The following USP18 variants were observed in gnomAD, a reference collection of about 807,000 sequenced individuals.
USP18 encodes ubl carboxyl-terminal hydrolase 18.
A neutral mutation model predicts 48.7 loss-of-function variants in USP18; 11 were observed. The observed-to-expected ratio is 0.23, with a 90% CI of 0.14 to 0.37. The LOEUF is 0.37. Ranked by LOEUF, USP18 falls within the 10% of genes least tolerant of loss-of-function variation. The probability of loss-of-function intolerance (pLI) is 1.00; values close to 1 mark genes in which losing one functional copy is unlikely to be tolerated. For missense variants in USP18, 285 were observed against 436.4 expected, an observed-to-expected ratio of 0.65 and a Z score of 3.09; for synonymous variants, 114 against 163.2, an observed-to-expected ratio of 0.70 and a Z score of 2.30.
intron 1 of USP18, among the ~76,000 whole-genome samples, chr22:18,155,785 C>T (rs1043439303): frequency 6.6e-6 from 1 of 152,252 alleles, no homozygotes; most frequent in African/African-American, 2.4e-5. Context: ...GCCATGGGCT[C>T]CTGTGCGGAC....
At chr22:18,174,561 C>T (rs188284513) in intron 10 of USP18, among the ~76,000 whole-genome samples, 1 of 151,996 alleles carries the variant, frequency 6.6e-6, no homozygotes, top group African/African-American at 2.4e-5. Flanking sequence ...TTTGAGCATA[C>T]CTCTTTTACA....
At chr22:18,152,376 G>A (rs1252820451) in intron 1 of USP18, among the ~76,000 whole-genome samples, 1 of 151,878 alleles carries the variant, frequency 6.6e-6, no homozygotes, top group Non-Finnish European at 1.5e-5. Flanking sequence ...TTTAGTGGTG[G>A]GCCTGGGCCA....
At chr22:18,155,721 C>A (rs1929113886) in intron 1 of USP18, among the ~76,000 whole-genome samples, 1 of 152,236 alleles carries the variant, frequency 6.6e-6, no homozygotes, top group African/African-American at 2.4e-5. Context: ...TGCCTCCTGG[C>A]AGGGCAGGGC....
chr22:18,153,294 T>C (rs563998278), intron 1 of USP18, among the ~76,000 whole-genome samples: 11 of 152,198 alleles, frequency 7.2e-5, no homozygotes, highest in African/African-American at 2.6e-4. Flanking sequence ...CCATGCGTGG[T>C]GGCACATGCC....
chr22:18,172,428 A>C (rs1204195801), intron 8 of USP18, among the ~76,000 whole-genome samples: 2 of 152,128 alleles, frequency 1.3e-5, no homozygotes, highest in African/African-American at 2.4e-5. Flanking sequence ...ACTGTTGTGT[A>C]ATCTATGTGG....
At chr22:18,155,449 C>T (rs986873455) in intron 1 of USP18, among the ~76,000 whole-genome samples, 38 of 152,352 alleles carry the variant, frequency 2.5e-4, no homozygotes, top group Admixed American at 1.9e-3. Flanking sequence ...TTCAGCCCAC[C>T]GCTGCACTGT....
intron 3 of USP18, 54 bp downstream of exon 3, chr22:18,160,322 T>C: frequency 6.2e-7 from 1 of 1,603,818 alleles, no homozygotes; most frequent in East Asian, 2.2e-5. Context: ...TTTCCTTTTT[T>C]TGAGATGGAG....
At chr22:18,151,998 G>A (rs961036937) in intron 1 of USP18, among the ~76,000 whole-genome samples, 1 of 152,174 alleles carries the variant, frequency 6.6e-6, no homozygotes, top group Non-Finnish European at 1.5e-5. Flanking sequence ...AGCTTGCAGT[G>A]AGCCAAGATC....
chr22:18,173,955 G>C (rs961547675), intron 10 of USP18, 113 bp downstream of exon 10: 2 of 1,492,060 alleles, frequency 1.3e-6, no homozygotes, highest in African/African-American at 2.8e-5. Context: ...CTCACTGTCC[G>C]CCTCATCTCC....
chr22:18,161,950 C>A lies in USP18; in HGVS notation c.400+15C>A. Reference sequence around the variant, plus strand: ...CAACGTGCCCTGTAAGATACCCTCCCACTGGGCTCCTGGCTGCTGATCCAA... The same window carrying A: ...CAACGTGCCCTGTAAGATACCCTCCAACTGGGCTCCTGGCTGCTGATCCAA... On this transcript the variant is annotated intron_variant, in intron 4 of 10. Transcript: ENST00000215794. The A allele has an allele frequency of 1.9e-6, 3 of 1,601,180 alleles. No individual in the cohort carries two copies. Among genetic ancestry groups the A allele is most frequent in the Non-Finnish European group, 2.6e-6 (3 of 1,172,710 alleles).
intron 4 of USP18, among the ~76,000 whole-genome samples, chr22:18,166,883 G>A (rs5993032): frequency 0.38 from 56,707 of 149,788 alleles, 11,236 homozygotes; most frequent in African/African-American, 0.5. Context: ...GACTACAGGC[G>A]TGCACCGCTA....
chr22:18,173,709 G>T (rs997322560), intron 9 of USP18, 84 bp from the exon 10 acceptor site: 5 of 1,585,376 alleles, frequency 3.2e-6, no homozygotes, highest in Non-Finnish European at 4.3e-6. Flanking sequence ...TTGTCTGGAG[G>T]ATGAGGGGCA....
rs1389517028 is a variant in USP18, at chr22:18,157,637, G to A, written c.-27G>A. ...TCCTGAACGCGGGCCAGGCAGCTGC[G>A]GCCTGGGGGTTTTGGAGTGATCACG... On this transcript the variant is annotated 5_prime_UTR_variant, in exon 2 of 11. Coordinates refer to ENST00000215794, the MANE Select transcript of USP18 (RefSeq NM_017414.4). 1.2e-6 allele frequency: 2 copies of A among 1,613,618 alleles called. No homozygotes were observed. Among genetic ancestry groups the A allele is most frequent in the East Asian group, 2.2e-5 (1 of 44,864 alleles).
At chr22:18,164,777 G>A (rs2542120) in intron 4 of USP18, among the ~76,000 whole-genome samples, 2,918 of 150,766 alleles carry the variant, frequency 0.019, 89 homozygotes, top group African/African-American at 0.068. Context: ...CATAACTGCT[G>A]ACCCATGTCT....
chr22:18,156,980 TG>T (rs1293670803), intron 1 of USP18, among the ~76,000 whole-genome samples: 2 of 152,236 alleles, frequency 1.3e-5, no homozygotes, highest in Non-Finnish European at 2.9e-5. Flanking sequence ...GGTACCCCTA[TG>T]GCCACTGAGG....
chr22:18,163,244 A>G (rs1011732), intron 4 of USP18, among the ~76,000 whole-genome samples: 16,538 of 151,854 alleles, frequency 0.11, 2,179 homozygotes, highest in East Asian at 0.62. Context: ...TCATTTCACC[A>G]GGGGCATTTT....
At chr22:18,163,087 T>C (rs1225214445) in intron 4 of USP18, among the ~76,000 whole-genome samples, 2 of 152,034 alleles carry the variant, frequency 1.3e-5, no homozygotes, top group Non-Finnish European at 2.9e-5. Context: ...ATTGCAGTTA[T>C]TGTATTCTTC....
At chr22:18,155,592 G>T (rs906091657) in intron 1 of USP18, among the ~76,000 whole-genome samples, 1 of 152,158 alleles carries the variant, frequency 6.6e-6, no homozygotes, top group Non-Finnish European at 1.5e-5. Flanking sequence ...CCGAGTGGGC[G>T]TGGGCTCGGC....
intron 3 of USP18, among the ~76,000 whole-genome samples, chr22:18,160,577 T>C (rs2543955): frequency 0.27 from 40,885 of 151,914 alleles, 6,771 homozygotes; most frequent in East Asian, 0.63. Flanking sequence ...GCTGGAATTA[T>C]AGGCGTAAGC....
Sources: gnomAD v4.1 joint callset for allele counts (sites outside exome capture counted in the v4.1 genomes callset) on GRCh38, gnomAD v4.1.1 for gene constraint, MANE v1.5 for transcripts, NCBI Gene and HGNC (gene_info 2026-07-23, HGNC 2026-07-21) for gene names.